Variants in ZNF608 observed in about 807,000 individuals in gnomAD.
ZNF608 encodes zinc finger protein 608.
ZNF608 carries 12 observed loss-of-function variants against 109.0 expected under a neutral mutation model. That is an observed-to-expected ratio of 0.11 (90% confidence interval 0.07 to 0.18). ZNF608 has a LOEUF of 0.18. Ranked by LOEUF, ZNF608 falls within the 10% of genes least tolerant of loss-of-function variation. The probability of loss-of-function intolerance (pLI) is 1.00; values close to 1 mark genes in which losing one functional copy is unlikely to be tolerated. For missense variants in ZNF608, 1,707 were observed against 1,879.3 expected (o/e 0.91, Z 1.70); for synonymous variants, 732 against 717.4 (o/e 1.02, Z -0.33).
chr5:124,708,159 C>T (rs931571423), intron 2 of ZNF608: 2 of 152,210 alleles, frequency 1.3e-5, no homozygotes, highest in African/African-American at 2.4e-5. Context: ...TGGGCTTTCT[C>T]ATAAAAATAG....
chr5:124,703,143 G>A (rs1211746952), intron 2 of ZNF608, among the ~76,000 whole-genome samples: 1 of 151,762 alleles, frequency 6.6e-6, no homozygotes, highest in African/African-American at 2.4e-5. Context: ...GTTGTAAACT[G>A]ACTGCAATTC....
rs372459086 is a variant in ZNF608, at chr5:124,646,085, A to G, written c.3705+594T>C. Among the ~76,000 whole-genome samples, 81 of 152,324 alleles carry G rather than the reference A, an allele frequency of 5.3e-4. 1 individual carries two copies. In the South Asian group the frequency reaches 0.015, roughly 28 times the overall value. ...ACTAAGAAATTAAGGGATCCTGGCC[A>G]GGCGCGGTGGCTCACGCCTGTAATC... On this transcript the variant is annotated intron_variant, in intron 5 of 9. Coordinates refer to ENST00000513986, the MANE Select transcript of ZNF608 (RefSeq NM_020747.3).
chr5:124,727,652 CA>C lies in ZNF608; in HGVS notation c.906+16431del, dbSNP rs369834437. On this transcript the variant is annotated intron_variant, in intron 2 of 9. Transcript: ENST00000513986. ...AGTCCCTTAAAAAAAAAAATCAGAC[CA>C]AAAAAAAAAAAAAAAAACCACACAC... Among the ~76,000 whole-genome samples, 413 of 82,446 alleles carry C rather than the reference CA, an allele frequency of 5.0e-3. 2 individuals carry two copies. The highest frequency in any genetic ancestry group is 0.012 in the African/African-American group (245 of 21,180). The allele number at this position is 82,446 out of a possible 152,430, so 54.1% of individuals were successfully genotyped here.
Position 124,744,740 on chromosome 5 carries a change from T to G in ZNF608, c.250A>C (p.Lys84Gln), listed in dbSNP as rs1749573064. The part of the protein sequence containing the change: ...GATAALADGL[K>Q]FASVQASAPQ... ...GCAGAGGCCTGAACAGAAGCAAATTTTAGGCCATCAGCTAAGGCTGCGGTA... is the reference window on the plus strand; with the variant it reads ...GCAGAGGCCTGAACAGAAGCAAATTGTAGGCCATCAGCTAAGGCTGCGGTA... The change falls in exon 2 of 10, where the codon AAA becomes CAA. Residue 84 changes from lysine (K) to glutamine (Q), a missense_variant. By Grantham distance (53) the Lys-to-Gln change is moderately conservative. Around this residue, in one of 7 missense-constraint regions of ZNF608, gnomAD observed 407 missense variants for 398.7 expected, o/e 1.02. Coordinates refer to ENST00000513986, the MANE Select transcript of ZNF608 (RefSeq NM_020747.3). This position sits in a 1 kb window ranked among gnomAD's most constrained non-coding sequence, Gnocchi z 4.5. 1 of 1,614,190 alleles carries G rather than the reference T, an allele frequency of 6.2e-7. No homozygotes were observed. The highest frequency in any genetic ancestry group is 1.1e-5 in the South Asian group (1 of 91,084).
At chr5:124,746,872 A>C, upstream of ZNF608, 1 of 747,630 alleles carries the variant, frequency 1.3e-6, no homozygotes, top group Non-Finnish European at 1.6e-6. Context: ...AGAAAAAGAA[A>C]GGTGTGGAGG....
chr5:124,658,971 C>T (rs964816457), intron 3 of ZNF608, among the ~76,000 whole-genome samples: 2 of 151,954 alleles, frequency 1.3e-5, no homozygotes, highest in East Asian at 1.9e-4. Context: ...TTTTAGAAGA[C>T]GGCTATTACA....
chr5:124,668,195 A>AATATATATATATATATATATATT (rs1198839137), intron 3 of ZNF608, among the ~76,000 whole-genome samples: 3 of 135,686 alleles, frequency 2.2e-5, no homozygotes, highest in African/African-American at 8.3e-5. Flanking sequence ...TATGCTTAAA[A>AATATATATATATATATATATATT]ATATATATAT....
In ZNF608 at chr5:124,644,384, G is replaced by C; in HGVS notation, c.3983C>G (p.Thr1328Arg). 6.2e-7 allele frequency: 1 copy of C among 1,614,142 alleles called. No individual in the cohort carries two copies. The highest frequency in any genetic ancestry group is 1.7e-5 in the Admixed American group (1 of 60,018). Residue 1328 changes from threonine to arginine, a missense_variant, in exon 6 of 10, where the codon ACA (threonine) becomes AGA (arginine). Transcript: ENST00000513986. ...TPVNWKDSRG[T>R]RVAVSSPMSQ... ...CATGGGTGAGGAGACAGCCACTCTT[G>C]TTCCCCGAGAGTCCTTCCAGTTCAC...
chr5:124,747,575 T>TA (rs778441632), upstream of ZNF608, among the ~76,000 whole-genome samples: 164 of 142,654 alleles, frequency 1.1e-3, no homozygotes, highest in African/African-American at 2.6e-3. Context: ...ATCTGGTCTT[T>TA]AAAAAAAAAA....
chr5:124,647,380 G>T lies in ZNF608; in HGVS notation c.3004C>A (p.Pro1002Thr). The change falls in exon 5 of 10, where the codon CCT becomes ACT. Residue 1002 changes from proline (P) to threonine (T), a missense_variant. Pro to Thr is a conservative substitution (Grantham distance 38, BLOSUM62 -1). Around this residue, in one of 7 missense-constraint regions of ZNF608, gnomAD observed 1,073 missense variants for 1,133.5 expected, o/e 0.95. Coordinates refer to ENST00000513986, the MANE Select transcript of ZNF608 (RefSeq NM_020747.3). ...SHSPYYHSYD[P>T]YYSPSYMHPG... The stretch of plus-strand genomic sequence containing the variant: ...TGCATGTAACTTGGAGAATAATAAG[G>T]ATCATAGCTGTGGTAATAGGGAGAA... 6.2e-7 allele frequency: 1 copy of T among 1,614,208 alleles called. No homozygotes were observed. Among genetic ancestry groups the T allele is most frequent in the Non-Finnish European group, 8.5e-7 (1 of 1,180,028 alleles).
chr5:124,747,447 A>T (rs1749679503), upstream of ZNF608, among the ~76,000 whole-genome samples: 1 of 151,862 alleles, frequency 6.6e-6, no homozygotes, highest in Non-Finnish European at 1.5e-5. Context: ...AGTAACAACC[A>T]ACCATCTAAA....
intron 2 of ZNF608, among the ~76,000 whole-genome samples, chr5:124,705,602 A>C (rs1753228117): frequency 6.6e-6 from 1 of 152,148 alleles, no homozygotes; most frequent in Non-Finnish European, 1.5e-5. Flanking sequence ...ATTTAACATA[A>C]ATCTATAATC....
chr5:124,717,572 T>TCTCAAAAATTTGC (rs1753753941), intron 2 of ZNF608, among the ~76,000 whole-genome samples: 1 of 152,246 alleles, frequency 6.6e-6, no homozygotes, highest in Non-Finnish European at 1.5e-5. Context: ...TAAGCAAAGA[T>TCTCAAAAATTTGC]TAACTAATGT....
intron 2 of ZNF608, among the ~76,000 whole-genome samples, chr5:124,717,469 T>TTAAA (rs1233432156): frequency 7.9e-5 from 12 of 152,150 alleles, no homozygotes; most frequent in Admixed American, 2.0e-4. Context: ...AGACTCCACC[T>TTAAA]TAAATAAATA....
intron 1 of ZNF608, chr5:124,745,561 A>G (rs1040662457): frequency 2.0e-5 from 3 of 152,530 alleles, no homozygotes; most frequent in Admixed American, 2.0e-4. Flanking sequence ...TCAGACAAGA[A>G]GGAAGAACAC....
At chr5:124,743,530 A>G (rs1193029146) in intron 2 of ZNF608, among the ~76,000 whole-genome samples, 1 of 152,206 alleles carries the variant, frequency 6.6e-6, no homozygotes, top group Non-Finnish European at 1.5e-5. Flanking sequence ...ATCCTTTCAC[A>G]GTACTATTTT....
intron 3 of ZNF608, among the ~76,000 whole-genome samples, chr5:124,699,891 T>A (rs148941688): frequency 6.6e-6 from 1 of 152,234 alleles, no homozygotes; most frequent in Admixed American, 6.5e-5. Context: ...CAGCCACTTT[T>A]GAATACATTT....
chr5:124,643,765 A>G, intron 6 of ZNF608, 82 bp from the exon 7 acceptor site: 6 of 1,382,732 alleles, frequency 4.3e-6, no homozygotes, highest in African/African-American at 1.5e-5. Flanking sequence ...AATTTGGGAT[A>G]AGAGTCAAAG....
intron 3 of ZNF608, among the ~76,000 whole-genome samples, chr5:124,650,457 G>C (rs150953926): frequency 3.3e-5 from 5 of 152,296 alleles, no homozygotes; most frequent in African/African-American, 7.2e-5. Flanking sequence ...CAGAGGATTA[G>C]AAAAGAAATC....
Sources: gnomAD v4.1 joint callset for allele counts (sites outside exome capture counted in the v4.1 genomes callset) on GRCh38, gnomAD v4.1.1 for gene constraint, gnomAD v4.1.1 regional missense constraint, Gnocchi (gnomAD v3.1) non-coding constraint, MANE v1.5 for transcripts, NCBI Gene and HGNC (gene_info 2026-07-23, HGNC 2026-07-21) for gene names.